HDAC9: variants seen among roughly 807,000 people sequenced by gnomAD.
HDAC9 encodes MEF-2 interacting transcription repressor (MITR) protein.
Under a neutral mutation model 139.4 loss-of-function variants are expected in HDAC9, and 41 were observed. That is an observed-to-expected ratio of 0.29 (90% confidence interval 0.23 to 0.38). The LOEUF (loss-of-function observed/expected upper bound fraction) is 0.38, where lower values mean the gene tolerates loss of function less well. Ranked by LOEUF, HDAC9 falls within the 10% of genes least tolerant of loss-of-function variation. HDAC9 has a pLI of 1.00. For missense variants in HDAC9, 1,147 were observed against 1,297.0 expected (o/e 0.88, Z 1.78); for synonymous variants, 517 against 476.2 (o/e 1.09, Z -1.12).
chr7:18,289,940 G>A (rs534552834), upstream of HDAC9, among the ~76,000 whole-genome samples: 1 of 151,952 alleles, frequency 6.6e-6, no homozygotes, highest in African/African-American at 2.4e-5. Flanking sequence ...AAAGAAAGTC[G>A]TCAGAGCCAG....
At chr7:18,857,179 A>G (rs1797745010) in intron 21 of HDAC9, among the ~76,000 whole-genome samples, 1 of 151,888 alleles carries the variant, frequency 6.6e-6, no homozygotes, top group African/African-American at 2.4e-5. Context: ...ATTTTCTTTC[A>G]CTGAATAATT....
intron 13 of HDAC9, among the ~76,000 whole-genome samples, chr7:18,741,018 G>C (rs898519538): frequency 6.6e-6 from 1 of 152,170 alleles, no homozygotes; most frequent in African/African-American, 2.4e-5. Flanking sequence ...AAAGTTGAAA[G>C]CCAGCAGAGG....
chr7:18,713,775 T>G (rs769584735), intron 12 of HDAC9, among the ~76,000 whole-genome samples: 10 of 152,308 alleles, frequency 6.6e-5, no homozygotes, highest in Admixed American at 2.0e-4. Flanking sequence ...GGTTAAAGAC[T>G]GTTAAACAAT....
intron 21 of HDAC9, 114 bp from the exon 22 acceptor site, chr7:18,874,364 C>T (rs1266376332): frequency 1.8e-6 from 1 of 551,210 alleles, no homozygotes; most frequent in Non-Finnish European, 3.3e-6. Flanking sequence ...GTTTTTATTC[C>T]CCTTTTCTTT....
chr7:18,536,672 C>T (rs1811021716), intron 2 of HDAC9, among the ~76,000 whole-genome samples: 1 of 152,094 alleles, frequency 6.6e-6, no homozygotes, highest in Admixed American at 6.5e-5. Context: ...CTGAATGATT[C>T]ATCTGATTAA....
chr7:18,446,805 G>T (rs546620866), intron 1 of HDAC9, among the ~76,000 whole-genome samples: 12 of 152,176 alleles, frequency 7.9e-5, no homozygotes, highest in Admixed American at 2.6e-4. Flanking sequence ...GCTGCCTTCT[G>T]TGTTAAAAGC....
intron 2 of HDAC9, among the ~76,000 whole-genome samples, chr7:18,162,802 T>C (rs1217290212): frequency 6.6e-6 from 1 of 152,210 alleles, no homozygotes; most frequent in African/African-American, 2.4e-5. Flanking sequence ...CCACCCTTCT[T>C]TGCTGCCATT....
chr7:18,275,784 C>T (rs957171763), intron 2 of HDAC9, among the ~76,000 whole-genome samples: 1 of 152,198 alleles, frequency 6.6e-6, no homozygotes, highest in East Asian at 1.9e-4. Flanking sequence ...ACTAGCCACT[C>T]TATTTAAGAT....
intron 22 of HDAC9, among the ~76,000 whole-genome samples, chr7:18,925,084 G>T (rs1166214704): frequency 6.6e-6 from 1 of 152,156 alleles, no homozygotes; most frequent in Non-Finnish European, 1.5e-5. Flanking sequence ...TTTAACTACT[G>T]TAAGTTGTAG....
At chr7:18,691,337 T>C (rs1329236101) in intron 12 of HDAC9, among the ~76,000 whole-genome samples, 1 of 152,084 alleles carries the variant, frequency 6.6e-6, no homozygotes, top group Non-Finnish European at 1.5e-5. Context: ...GAAGTTTAAA[T>C]ATGTTTTACC....
intron 12 of HDAC9, among the ~76,000 whole-genome samples, chr7:18,687,301 C>A (rs989677347): frequency 6.6e-6 from 1 of 151,760 alleles, no homozygotes; most frequent in Non-Finnish European, 1.5e-5. Context: ...TTAAATAAAT[C>A]TTCTACTCAA....
intron 1 of HDAC9, among the ~76,000 whole-genome samples, chr7:18,299,338 G>A (rs1048426722): frequency 3.3e-5 from 5 of 151,506 alleles, no homozygotes; most frequent in Non-Finnish European, 4.4e-5. Context: ...TTTTGTAAGC[G>A]CCTTTGGGTA....
At chr7:18,451,313 G>A (rs1792798089) in intron 1 of HDAC9, among the ~76,000 whole-genome samples, 1 of 151,214 alleles carries the variant, frequency 6.6e-6, no homozygotes, top group African/African-American at 2.4e-5. Flanking sequence ...AAATTACCCA[G>A]TCTAAGATAT....
intron 2 of HDAC9, among the ~76,000 whole-genome samples, chr7:18,174,941 G>A (rs899889234): frequency 2.6e-5 from 4 of 152,206 alleles, no homozygotes; most frequent in Non-Finnish European, 4.4e-5. Context: ...CAGTCTGTCC[G>A]TTCTCCAATC....
intron 1 of HDAC9, chr7:18,327,622 A>G (rs1311473138): frequency 6.6e-6 from 1 of 151,938 alleles, no homozygotes; most frequent in African/African-American, 2.4e-5. Context: ...TTTCTGAGGA[A>G]CTTGTTTTTA....
chr7:18,288,102 A>G (rs565076176), upstream of HDAC9, among the ~76,000 whole-genome samples: 7 of 152,326 alleles, frequency 4.6e-5, no homozygotes, highest in South Asian at 1.4e-3. Flanking sequence ...TGCATTGTTC[A>G]CCATTTGGAA....
At position 18,554,182 on chromosome 7, in the gene HDAC9, G is replaced by A. The variant is rs546201577; in HGVS notation, c.23-31099G>A. 5.3e-5 allele frequency among the ~76,000 whole-genome samples: 8 copies of A among 151,962 alleles called. No individual in the cohort carries two copies. In the South Asian group the frequency reaches 1.0e-3, roughly 20 times the overall value. On this transcript the variant is annotated intron_variant, in intron 2 of 25. Transcript: ENST00000686413. ...GGAAGATCTGAAATATACACTATAT[G>A]CATAAGAAGTGATTATAGAACTGTA... is the stretch of plus-strand genomic sequence containing the variant.
At chr7:18,590,508 G>A (rs750257118) in intron 4 of HDAC9, 22 bp downstream of exon 4, 30 of 1,580,102 alleles carry the variant, frequency 1.9e-5, no homozygotes, top group Non-Finnish European at 2.3e-5. Flanking sequence ...CAGGGTAAAC[G>A]ATGGACTCTC....
intron 17 of HDAC9, among the ~76,000 whole-genome samples, chr7:18,806,709 A>G (rs1562954937): frequency 6.6e-6 from 1 of 152,176 alleles, no homozygotes; most frequent in East Asian, 1.9e-4. Flanking sequence ...ATTTTGTCAA[A>G]TGCTTTTTCT....
Sources: allele counts gnomAD v4.1 joint callset (sites outside exome capture counted in the v4.1 genomes callset), GRCh38; gene constraint gnomAD v4.1.1; transcripts MANE v1.5; gene names NCBI Gene and HGNC (gene_info 2026-07-23, HGNC 2026-07-21).